The following SLC6A9 variants were observed in gnomAD, a reference collection of about 807,000 sequenced individuals.
The protein encoded by SLC6A9 is sodium- and chloride-dependent glycine transporter 1.
In SLC6A9, 31 loss-of-function variants were observed where a neutral mutation model predicts 70.9. That is an observed-to-expected ratio of 0.44 (90% CI 0.33 to 0.59). The LOEUF is 0.59. Among genes scored for constraint, SLC6A9 ranks in the 20% least tolerant of loss-of-function variants. SLC6A9 has a pLI of 0.04. For missense variants in SLC6A9, 631 were observed against 845.2 expected (o/e 0.75, Z 3.14); for synonymous variants, 310 against 341.3 (o/e 0.91, Z 1.01).
chr1:44,014,205 T>A (rs1489591420), intron 2 of SLC6A9, among the ~76,000 whole-genome samples: 1 of 151,898 alleles, frequency 6.6e-6, no homozygotes, highest in African/African-American at 2.4e-5. Flanking sequence ...AGCGGCATGG[T>A]TCCCTCTGGC....
chr1:44,026,990 T>A (rs2086994272), intron 1 of SLC6A9, among the ~76,000 whole-genome samples: 2 of 152,212 alleles, frequency 1.3e-5, no homozygotes, highest in Admixed American at 1.3e-4. Flanking sequence ...CATGGCGGCT[T>A]CCAGGAGAAT....
At chr1:44,030,173 G>A (rs2087073995) in intron 1 of SLC6A9, among the ~76,000 whole-genome samples, 1 of 152,150 alleles carries the variant, frequency 6.6e-6, no homozygotes, top group South Asian at 2.1e-4. Flanking sequence ...CGGTCTGGGA[G>A]CAGCGGCACC....
rs748643565 is a variant in SLC6A9 at position 44,002,662 on chromosome 1, T to C, written c.724-16A>G. The C allele has an allele frequency of 1.9e-5, 30 of 1,613,344 alleles. No individual in the cohort carries two copies. In the East Asian group the frequency reaches 5.6e-4, roughly 30 times the overall value. Reference sequence around the variant, plus strand: ...AGTACACCACCTGGCACAAGAGGGCTCCATGGACTCTTCTGGGCTCTCCCC... The same window carrying C: ...AGTACACCACCTGGCACAAGAGGGCCCCATGGACTCTTCTGGGCTCTCCCC... On this transcript the variant is annotated splice_polypyrimidine_tract_variant and intron_variant, in intron 6 of 13. Coordinates refer to ENST00000372310, the MANE Select transcript of SLC6A9 (RefSeq NM_001024845.3). This position sits in a 1 kb window ranked among gnomAD's most constrained non-coding sequence, Gnocchi z 5.5.
chr1:44,024,271 C>T lies in SLC6A9; in HGVS notation c.7G>A (p.Gly3Arg). 6.2e-7 allele frequency: 1 copy of T among 1,614,254 alleles called. No homozygotes were observed. The highest frequency in any genetic ancestry group is 8.5e-7 in the Non-Finnish European group (1 of 1,180,032). ...ACCAGCATCCCTTTGGCACCTTTTCCTACCATGGCGGCGGTGGGTTGGGGC... is the reference window on the plus strand; with the variant it reads ...ACCAGCATCCCTTTGGCACCTTTTCTTACCATGGCGGCGGTGGGTTGGGGC... MV[G>R]KGAKGMLNGA... is the part of the protein sequence containing the mutation. Residue 3 changes from glycine (G) to arginine (R), a missense_variant, in exon 2 of 14, where the codon GGA (glycine) becomes AGA (arginine). Transcript: ENST00000372310.
At position 44,000,767 on chromosome 1, in the gene SLC6A9, G is replaced by A. The variant is rs768762066; in HGVS notation, c.1536C>T (p.Phe512=). Residue 512 remains phenylalanine (F), a splice_region_variant and synonymous_variant, in exon 12 of 14, where the codon TTC becomes TTT. Coordinates refer to ENST00000372310, the MANE Select transcript of SLC6A9 (RefSeq NM_001024845.3). ...GGGAGGGGCCGGCCAGGGAACTCAC[G>A]AAGATGATGGCGGGAGAGACGAAGC... ...CWRFVSPAII[F]FILVFTVIQY... The A allele has an allele frequency of 2.7e-5, 43 of 1,597,330 alleles. No homozygotes were observed. In the South Asian group the frequency reaches 3.6e-4, roughly 13 times the overall value.
chr1:44,020,440 T>C lies in SLC6A9; in HGVS notation c.30+3808A>G, dbSNP rs185260031. Among the ~76,000 whole-genome samples the C allele has an allele frequency of 7.2e-5, 11 of 152,298 alleles. No individual in the cohort carries two copies. In the East Asian group the frequency reaches 2.1e-3, roughly 29 times the overall value. On this transcript the variant is annotated intron_variant, in intron 2 of 13. Coordinates refer to ENST00000372310, the MANE Select transcript of SLC6A9 (RefSeq NM_001024845.3). ...GGTAAGGACCCAATGTGCGCCCAGC[T>C]CTGAGCTGGGTGAGCACCCACTGTG...
rs376189793 is a variant in SLC6A9, at chr1:43,997,672, C to T, written c.1775G>A (p.Arg592His). The change falls in exon 14 of 14, where the codon CGC (arginine) becomes CAC (histidine). Residue 592 changes from arginine to histidine, a missense_variant. Arg to His is a conservative substitution (Grantham distance 29). Coordinates refer to ENST00000372310, the MANE Select transcript of SLC6A9 (RefSeq NM_001024845.3). This position sits in a 1 kb window ranked among gnomAD's most constrained non-coding sequence, Gnocchi z 4.4. ...AGAGGGGGCTATGGTGGGGGCGTAG[C>T]GCCCTGTCCGGTGCTCCAGGAGGGC... ...GPALLEHRTG[R>H]YAPTIAPSPE... The T allele has an allele frequency of 9.9e-6, 16 of 1,613,018 alleles. No homozygotes were observed. The Admixed American group carries it at 1.3e-4, about 14-fold the overall frequency.
Position 44,011,436 on chromosome 1 carries a change from G to T in SLC6A9, c.31-554C>A, listed in dbSNP as rs539659516. On this transcript the variant is annotated intron_variant, in intron 2 of 13. Transcript: ENST00000372310. ...CTGGGGGCACAGAGTGGGCAGGGCTGGGGGGAAATGGGGGAGCAGCTGAGC... is the reference window on the plus strand; with the variant it reads ...CTGGGGGCACAGAGTGGGCAGGGCTTGGGGGAAATGGGGGAGCAGCTGAGC... 3.4e-4 allele frequency: 274 copies of T among 796,524 alleles called. 4 individuals carry two copies. In the South Asian group the frequency reaches 4.2e-3, roughly 12 times the overall value. The allele number at this position is 796,524 out of a possible 1,614,324, so 49.3% of individuals were successfully genotyped here. A position where few individuals can be genotyped will look rare whatever the true frequency, so the allele number is the denominator to read the frequency against.
chr1:44,017,484 C>CCCACCCAGTG, intron 2 of SLC6A9: 1 of 605,860 alleles, frequency 1.7e-6, no homozygotes, highest in Non-Finnish European at 2.3e-6. Context: ...AGCCCACAGG[C>CCCACCCAGTG]CTAGCACTGG....
rs74994622 is a variant in SLC6A9 at position 44,002,742 on chromosome 1, C to T, written c.724-96G>A. On this transcript the variant is annotated intron_variant, in intron 6 of 13. Coordinates refer to ENST00000372310, the MANE Select transcript of SLC6A9 (RefSeq NM_001024845.3). The surrounding 1 kb of genome is among the most constrained non-coding windows in gnomAD (Gnocchi z 5.5). Reference sequence around the variant, plus strand: ...AATCACCACCAGCCCCCTGGTCCCTCTCCGGCTCCGGAGTCCCTTCAGCAT... The same window carrying T: ...AATCACCACCAGCCCCCTGGTCCCTTTCCGGCTCCGGAGTCCCTTCAGCAT... The T allele has an allele frequency of 5.7e-4, 901 of 1,593,882 alleles. 6 individuals are homozygous for T. The East Asian group carries it at 0.019, about 33-fold the overall frequency.
Position 44,010,498 on chromosome 1 carries a change from C to T in SLC6A9, c.187+228G>A, listed in dbSNP as rs2086521143. 6.9e-6 allele frequency: 3 copies of T among 435,300 alleles called. No individual in the cohort carries two copies. The South Asian group carries it at 7.2e-5, about 11-fold the overall frequency. 27.0% of individuals were successfully genotyped at this position (435,300 alleles called of 1,614,324 possible). On this transcript the variant is annotated intron_variant, in intron 3 of 13. Transcript: ENST00000372310. ...TAGGTCCTTTTCTCACCTCTCCTCA[C>T]CTCAAAGGGGGCCAACTGGCAGGGC...
At chr1:44,024,534 C>T (rs570829107) in intron 1 of SLC6A9, among the ~76,000 whole-genome samples, 172 bp from the exon 2 acceptor site, 20 of 152,370 alleles carry the variant, frequency 1.3e-4, no homozygotes, top group African/African-American at 1.7e-4. Context: ...CCCAGTCCCC[C>T]CAACCTTTCC....
At chr1:44,008,089 C>T (rs1482912877) in intron 5 of SLC6A9, among the ~76,000 whole-genome samples, 10 of 152,132 alleles carry the variant, frequency 6.6e-5, no homozygotes, top group African/African-American at 1.4e-4. Context: ...AGGATGGTCT[C>T]GATCTCCTGA....
chr1:44,003,257 G>A (rs2086187659), intron 5 of SLC6A9, among the ~76,000 whole-genome samples: 1 of 152,246 alleles, frequency 6.6e-6, no homozygotes, highest in African/African-American at 2.4e-5. Flanking sequence ...AGGCTTGGGT[G>A]GTCTTCCTAG....
chr1:44,007,949 G>A lies in SLC6A9; in HGVS notation c.590+404C>T, dbSNP rs574419773. ...TCTGTCGCCCAGGCTGAAGTGCAGT[G>A]GCGCGATCTCAGCTCATTGCAAGCT... On this transcript the variant is annotated intron_variant, in intron 5 of 13. Coordinates refer to ENST00000372310, the MANE Select transcript of SLC6A9 (RefSeq NM_001024845.3). Among the ~76,000 whole-genome samples, 5 of 150,492 alleles carry A rather than the reference G, an allele frequency of 3.3e-5. No individual in the cohort carries two copies. The South Asian group carries it at 8.4e-4, about 25-fold the overall frequency.
At chr1:44,015,902 C>T (rs1397946825) in intron 2 of SLC6A9, 1 of 985,010 alleles carries the variant, frequency 1.0e-6, no homozygotes, top group African/African-American at 1.7e-5. Context: ...GCCATTCATG[C>T]CTCCTGCCTC....
At chr1:44,020,968 C>T (rs1229257407) in intron 2 of SLC6A9, among the ~76,000 whole-genome samples, 2 of 152,186 alleles carry the variant, frequency 1.3e-5, no homozygotes, top group East Asian at 3.9e-4. Flanking sequence ...GGGAAGAGGT[C>T]AACAAAGCTC....
Position 43,997,618 on chromosome 1 carries a change from A to G in SLC6A9, c.1829T>C (p.Leu610Pro). The change falls in exon 14 of 14, where the codon CTG becomes CCG. Residue 610 changes from leucine to proline, a missense_variant. Leu to Pro is a moderately conservative substitution (Grantham distance 98). Transcript: ENST00000372310. This position sits in a 1 kb window ranked among gnomAD's most constrained non-coding sequence, Gnocchi z 4.4. ...SPEDGFEVQP[L>P]HPDKAQIPIV... ...GGGGATCTGCGCCTTGTCCGGGTGCAGTGGCTGGACCTCGAAGCCGTCCTC... is the reference window on the plus strand; with the variant it reads ...GGGGATCTGCGCCTTGTCCGGGTGCGGTGGCTGGACCTCGAAGCCGTCCTC... 6.2e-7 allele frequency: 1 copy of G among 1,614,010 alleles called. No homozygotes were observed. Among genetic ancestry groups the G allele is most frequent in the Non-Finnish European group, 8.5e-7 (1 of 1,180,008 alleles).
At chr1:44,029,262 T>G (rs1557699143) in intron 1 of SLC6A9, among the ~76,000 whole-genome samples, 1 of 152,214 alleles carries the variant, frequency 6.6e-6, no homozygotes, top group Admixed American at 6.5e-5. Context: ...ACAGGCTCTT[T>G]TCCTAGCTTG....
Sources: allele counts gnomAD v4.1 joint callset (sites outside exome capture counted in the v4.1 genomes callset), GRCh38; gene constraint gnomAD v4.1.1; non-coding constraint Gnocchi (gnomAD v3.1); transcripts MANE v1.5; gene names NCBI Gene and HGNC (gene_info 2026-07-23, HGNC 2026-07-21).